CSMD1: variants seen among roughly 807,000 people sequenced by gnomAD.
The protein encoded by CSMD1 is CUB and sushi domain-containing protein 1.
A neutral mutation model predicts 417.5 loss-of-function variants in CSMD1; 213 were observed. That is an observed-to-expected ratio of 0.51 (90% CI 0.46 to 0.57). CSMD1 has a LOEUF of 0.57. Ranked by LOEUF, CSMD1 falls within the 20% of genes least tolerant of loss-of-function variation. The pLI, the probability that CSMD1 is intolerant of heterozygous loss-of-function variation, is 0.00. For synonymous variants in CSMD1, 2,862 were observed against 1,736.8 expected (o/e 1.65, Z -16.11); for missense variants, 6,923 against 4,529.7 (o/e 1.53, Z -15.17).
In CSMD1 at chr8:4,053,566, T is replaced by C. The variant is rs184744294; in HGVS notation, c.416-21467A>G. Among the ~76,000 whole-genome samples, 158 of 152,290 alleles carry C rather than the reference T, an allele frequency of 1.0e-3. 2 individuals are homozygous for C. Among genetic ancestry groups the C allele is most frequent in the African/African-American group, 3.7e-3 (155 of 41,570 alleles). ...GGTTTTCTCTGACCTTGCAAGCTGG[T>C]CCTCAATTTCCACTCCTGCTCTTAG... On this transcript the variant is annotated intron_variant, in intron 3 of 69. Transcript: ENST00000635120.
intron 1 of CSMD1, among the ~76,000 whole-genome samples, chr8:4,931,350 T>C (rs781200201): frequency 2.0e-5 from 3 of 152,220 alleles, no homozygotes; most frequent in African/African-American, 4.8e-5. Context: ...ATCCCTTTGA[T>C]ATTAGGCATA....
At chr8:3,089,604 G>T (rs373443351) in intron 48 of CSMD1, among the ~76,000 whole-genome samples, 2 of 152,256 alleles carry the variant, frequency 1.3e-5, no homozygotes, top group East Asian at 1.9e-4. Context: ...TAATATTTTA[G>T]GGACACTTTC....
intron 3 of CSMD1, among the ~76,000 whole-genome samples, chr8:4,116,305 C>G (rs975432418): frequency 4.6e-5 from 7 of 152,048 alleles, no homozygotes; most frequent in African/African-American, 1.7e-4. Context: ...AAAATAGAAT[C>G]TTTAGGACGG....
chr8:4,041,359 T>A (rs10503229), intron 3 of CSMD1, among the ~76,000 whole-genome samples: 22,494 of 152,058 alleles, frequency 0.15, 2,375 homozygotes, highest in East Asian at 0.38. Flanking sequence ...AATCCATATA[T>A]AAATTTTCGC....
intron 9 of CSMD1, among the ~76,000 whole-genome samples, chr8:3,582,437 A>C (rs921782662): frequency 2.0e-5 from 3 of 152,184 alleles, no homozygotes; most frequent in Admixed American, 6.5e-5. Context: ...TAATTGAAGA[A>C]AGAGTGTTCT....
At chr8:3,699,850 C>A (rs1387245427) in intron 7 of CSMD1, among the ~76,000 whole-genome samples, 1 of 152,172 alleles carries the variant, frequency 6.6e-6, no homozygotes, top group Non-Finnish European at 1.5e-5. Context: ...GACACACCAT[C>A]CCATAACTAC....
intron 1 of CSMD1, among the ~76,000 whole-genome samples, chr8:4,731,076 G>C (rs969510083): frequency 2.6e-5 from 4 of 152,194 alleles, no homozygotes; most frequent in Non-Finnish European, 5.9e-5. Context: ...CTCCTGCTGA[G>C]AGAGACCATT....
intron 10 of CSMD1, among the ~76,000 whole-genome samples, chr8:3,552,331 T>A (rs1013789071): frequency 5.3e-5 from 8 of 151,600 alleles, no homozygotes; most frequent in African/African-American, 1.9e-4. Context: ...CTTATTCTCT[T>A]TTTTTTTGCA....
At chr8:3,890,368 G>A (rs1006826928) in intron 5 of CSMD1, among the ~76,000 whole-genome samples, 2 of 152,078 alleles carry the variant, frequency 1.3e-5, no homozygotes, top group African/African-American at 4.8e-5. Context: ...TACTTGGTAG[G>A]TATTTTAATA....
At chr8:3,089,836 G>T (rs571711880) in intron 48 of CSMD1, among the ~76,000 whole-genome samples, 13 of 152,118 alleles carry the variant, frequency 8.5e-5, no homozygotes, top group African/African-American at 3.1e-4. Context: ...TCTCCTTGTG[G>T]TATGACAACA....
chr8:3,755,286 T>C (rs1797594531), intron 5 of CSMD1, among the ~76,000 whole-genome samples: 1 of 152,180 alleles, frequency 6.6e-6, no homozygotes, highest in African/African-American at 2.4e-5. Context: ...GAACCTCTGT[T>C]ACCCATTGTA....
At chr8:3,614,765 C>G (rs1056631699) in intron 8 of CSMD1, among the ~76,000 whole-genome samples, 1 of 152,184 alleles carries the variant, frequency 6.6e-6, no homozygotes, top group African/African-American at 2.4e-5. Context: ...TTTCTTTGTG[C>G]CACGCACAGT....
At chr8:3,900,177 T>C (rs934170515) in intron 5 of CSMD1, among the ~76,000 whole-genome samples, 1 of 151,864 alleles carries the variant, frequency 6.6e-6, no homozygotes, top group African/African-American at 2.4e-5. Context: ...TGGGTGACAG[T>C]GTAGCTGGGT....
At chr8:4,080,851 T>C (rs1242889588) in intron 3 of CSMD1, among the ~76,000 whole-genome samples, 1 of 152,206 alleles carries the variant, frequency 6.6e-6, no homozygotes, top group Non-Finnish European at 1.5e-5. Flanking sequence ...ATGGATTTCA[T>C]GTTTGTTTAC....
At chr8:4,885,131 A>C (rs1414093880) in intron 1 of CSMD1, among the ~76,000 whole-genome samples, 1 of 152,064 alleles carries the variant, frequency 6.6e-6, no homozygotes, top group Admixed American at 6.5e-5. Context: ...TTATTTGCAG[A>C]GTCTCATTTC....
At chr8:4,561,586 G>C (rs1456974807) in intron 2 of CSMD1, among the ~76,000 whole-genome samples, 1 of 152,162 alleles carries the variant, frequency 6.6e-6, no homozygotes, top group Non-Finnish European at 1.5e-5. Context: ...GGAGGCTGAA[G>C]TGGGAGGATC....
chr8:3,745,675 G>C (rs1328022304), intron 6 of CSMD1, among the ~76,000 whole-genome samples: 2 of 152,344 alleles, frequency 1.3e-5, no homozygotes, highest in Non-Finnish European at 2.9e-5. Context: ...CCCCGGGGAA[G>C]TCAGGCAGCT....
chr8:3,026,951 C>T (rs1215516388), intron 51 of CSMD1, among the ~76,000 whole-genome samples: 1 of 151,884 alleles, frequency 6.6e-6, no homozygotes, highest in Non-Finnish European at 1.5e-5. Context: ...AACATTGAGG[C>T]AAGAGATAAA....
chr8:4,361,918 G>A (rs1361391804), intron 3 of CSMD1, among the ~76,000 whole-genome samples: 1 of 152,048 alleles, frequency 6.6e-6, no homozygotes, highest in African/African-American at 2.4e-5. Context: ...TCACTCCACT[G>A]CACGCCAAGG....
Sources: gnomAD v4.1 joint callset for allele counts (sites outside exome capture counted in the v4.1 genomes callset) on GRCh38, gnomAD v4.1.1 for gene constraint, MANE v1.5 for transcripts, NCBI Gene and HGNC (gene_info 2026-07-23, HGNC 2026-07-21) for gene names.